The following DGCR2 variants were observed in gnomAD, a reference collection of about 807,000 sequenced individuals.
DGCR2 encodes the protein DiGeorge syndrome critical region gene 2, also known as integral membrane protein DGCR2/IDD.
Under a neutral mutation model 51.6 loss-of-function variants are expected in DGCR2, and 24 were observed. The ratio of observed to expected loss-of-function variants is 0.47; its 90% CI spans 0.34 to 0.65. The LOEUF is 0.65. Among genes scored for constraint, DGCR2 ranks in the 30% least tolerant of loss-of-function variants. The pLI is 0.01. For synonymous variants in DGCR2, 340 were observed against 315.4 expected (o/e 1.08, Z -0.82); for missense variants, 765 against 772.1 (o/e 0.99, Z 0.11).
Position 19,057,149 on chromosome 22 carries a change from C to T in DGCR2, c.639G>A (p.Val213=). ...CAAAGATGGGGTCTGGGGGCAGGAA[C>T]ACCTCTGAAGAGCCTGTTGGGGAGA... The part of the protein sequence containing the change: ...WEVAFKGSSE[V]FLPPDPIFAS... The change falls in exon 6 of 10, where the codon GTG becomes GTA. Residue 213 remains valine, a synonymous_variant. Transcript: ENST00000263196. This position sits in a 1 kb window ranked among gnomAD's most constrained non-coding sequence, Gnocchi z 5.1. 6.2e-7 allele frequency: 1 copy of T among 1,605,554 alleles called. No homozygotes were observed. The highest frequency in any genetic ancestry group is 1.3e-5 in the African/African-American group (1 of 74,966).
intron 1 of DGCR2, among the ~76,000 whole-genome samples, chr22:19,097,520 C>T (rs1308254996): frequency 6.6e-6 from 1 of 152,090 alleles, no homozygotes; most frequent in Admixed American, 6.5e-5. Context: ...CCACTGCACT[C>T]CAGCCTGGGC....
intron 1 of DGCR2, among the ~76,000 whole-genome samples, chr22:19,115,082 G>A (rs1481366111): frequency 6.6e-6 from 1 of 152,202 alleles, no homozygotes; most frequent in East Asian, 1.9e-4. Flanking sequence ...GGCAGAGGAG[G>A]AGGAGAAGGC....
chr22:19,062,947 CG>C (rs2082699345), intron 5 of DGCR2, among the ~76,000 whole-genome samples: 1 of 152,162 alleles, frequency 6.6e-6, no homozygotes, highest in East Asian at 1.9e-4. Context: ...CAAAAGGAGG[CG>C]GGGGACAATC....
intron 7 of DGCR2, among the ~76,000 whole-genome samples, chr22:19,045,732 AT>A (rs1277771139): frequency 6.6e-6 from 1 of 151,884 alleles, no homozygotes; most frequent in Non-Finnish European, 1.5e-5. Flanking sequence ...GCCCTATTTT[AT>A]TTTTACTTTT....
In DGCR2 at chr22:19,039,490, C is replaced by T. The variant is rs559007193; in HGVS notation, c.1397-369G>A. ...CGTCTCAGACTCAGTAAGGTGAAGA[C>T]CCGGCTCAGCAAGAAGGCAGGGGCA... On this transcript the variant is annotated intron_variant, in intron 9 of 9. Transcript: ENST00000263196. Among the ~76,000 whole-genome samples, 45 of 152,258 alleles carry T rather than the reference C, an allele frequency of 3.0e-4. No individual in the cohort carries two copies. In the South Asian group the frequency reaches 9.3e-3, roughly 32 times the overall value.
In DGCR2 at chr22:19,100,428, C is replaced by T. The variant is rs7289138; in HGVS notation, c.80-10938G>A. On this transcript the variant is annotated intron_variant, in intron 1 of 9. Transcript: ENST00000263196. The stretch of plus-strand genomic sequence containing the variant: ...GACACTTTATGAAACAATCCATGCC[C>T]ACAACATACCAGCCACAGTACCAAC... Among the ~76,000 whole-genome samples the T allele has an allele frequency of 3.3e-3, 509 of 152,274 alleles. 5 individuals are homozygous for T. Among genetic ancestry groups the T allele is most frequent in the African/African-American group, 0.012 (489 of 41,554 alleles).
chr22:19,097,055 A>G (rs953878353), intron 1 of DGCR2, among the ~76,000 whole-genome samples: 1 of 152,120 alleles, frequency 6.6e-6, no homozygotes, highest in South Asian at 2.1e-4. Context: ...AGTAATAAGT[A>G]ACAACACTGG....
At chr22:19,076,447 G>A (rs2082877332) in intron 2 of DGCR2, among the ~76,000 whole-genome samples, 1 of 152,148 alleles carries the variant, frequency 6.6e-6, no homozygotes, top group South Asian at 2.1e-4. Flanking sequence ...TTACAGGCGT[G>A]AGCCACCGCG....
intron 2 of DGCR2, among the ~76,000 whole-genome samples, chr22:19,081,235 T>G (rs1178818197): frequency 2.0e-5 from 3 of 152,174 alleles, no homozygotes; most frequent in Admixed American, 2.0e-4. Context: ...CACACCCCAT[T>G]TAGGAAATCA....
rs537444406 is a variant in DGCR2, at chr22:19,059,124, G to T, written c.626-1962C>A. Among the ~76,000 whole-genome samples, 5 of 152,348 alleles carry T rather than the reference G, an allele frequency of 3.3e-5. No homozygotes were observed. In the South Asian group the frequency reaches 1.0e-3, roughly 32 times the overall value. On this transcript the variant is annotated intron_variant, in intron 5 of 9. Coordinates refer to ENST00000263196, the MANE Select transcript of DGCR2 (RefSeq NM_005137.3). ...AAGAGGCTGGGGAGTGGTAGGTGAT[G>T]AGGGTAGTGAAGGAAGGGGCTGCTG... is the stretch of plus-strand genomic sequence containing the variant.
At chr22:19,071,994 CTATGAT>C (rs1317375392) in intron 2 of DGCR2, among the ~76,000 whole-genome samples, 2 of 152,078 alleles carry the variant, frequency 1.3e-5, no homozygotes, top group Admixed American at 6.6e-5. Context: ...GTTTATTGCA[CTATGAT>C]TATGAGTTTT....
intron 7 of DGCR2, chr22:19,046,718 C>T (rs1444202064): frequency 4.6e-6 from 2 of 431,196 alleles, no homozygotes; most frequent in African/African-American, 2.0e-5. Context: ...GGAAGCATGG[C>T]CACAGGGCAG....
At chr22:19,067,966 T>TC (rs2082768417) in intron 3 of DGCR2, 134 bp downstream of exon 3, 1 of 1,268,482 alleles carries the variant, frequency 7.9e-7, no homozygotes, top group East Asian at 2.8e-5. Context: ...TCATGCAGCC[T>TC]CATTCATTCC....
At chr22:19,070,186 C>T (rs1053866829) in intron 2 of DGCR2, among the ~76,000 whole-genome samples, 1 of 152,180 alleles carries the variant, frequency 6.6e-6, no homozygotes, top group Non-Finnish European at 1.5e-5. Context: ...TCGCTGGTAG[C>T]TCTGATGCAG....
chr22:19,063,890 G>T (rs2082717511), intron 4 of DGCR2, among the ~76,000 whole-genome samples: 1 of 152,168 alleles, frequency 6.6e-6, no homozygotes, highest in Admixed American at 6.5e-5. Context: ...CTCCACAGGG[G>T]AGATTTTCAT....
intron 7 of DGCR2, chr22:19,047,820 G>A (rs2146311353): frequency 6.5e-6 from 1 of 153,136 alleles, no homozygotes; most frequent in South Asian, 2.1e-4. Flanking sequence ...AAAAATGGAT[G>A]ACTGTAAGCA....
Position 19,064,985 on chromosome 22 carries a change from G to C in DGCR2, c.411C>G (p.Asn137Lys), listed in dbSNP as rs781603325. 1.5e-5 allele frequency: 25 copies of C among 1,613,922 alleles called. No homozygotes were observed. Among genetic ancestry groups the C allele is most frequent in the Non-Finnish European group, 2.0e-5 (24 of 1,180,056 alleles). The part of the protein sequence containing the change: ...SCYRVYLSGE[N>K]YWDAAQTCQR... ...GGCAGGTCTGCGCGGCATCCCAGTA[G>C]TTCTCCCCGCTCAGGTAGACCCGGT... Residue 137 changes from asparagine to lysine, a missense_variant, in exon 4 of 10, where the codon AAC becomes AAG. By Grantham distance (94) the Asn-to-Lys change is moderately conservative. Transcript: ENST00000263196.
At chr22:19,100,353 T>C (rs1242247392) in intron 1 of DGCR2, among the ~76,000 whole-genome samples, 4 of 152,216 alleles carry the variant, frequency 2.6e-5, no homozygotes, top group Non-Finnish European at 5.9e-5. Context: ...ACTGTCACCT[T>C]GCTGTAGCAT....
intron 6 of DGCR2, among the ~76,000 whole-genome samples, chr22:19,052,348 G>T (rs1210469815): frequency 6.6e-6 from 1 of 151,724 alleles, no homozygotes; most frequent in Non-Finnish European, 1.5e-5. Flanking sequence ...CCCAAGAGGC[G>T]GAAGCTGCAG....
Sources: gnomAD v4.1 joint callset for allele counts (sites outside exome capture counted in the v4.1 genomes callset) on GRCh38, gnomAD v4.1.1 for gene constraint, Gnocchi (gnomAD v3.1) non-coding constraint, MANE v1.5 for transcripts, NCBI Gene and HGNC (gene_info 2026-07-23, HGNC 2026-07-21) for gene names.